Variants in GRHL2 observed in about 807,000 individuals in gnomAD.
GRHL2 encodes grainyhead-like protein 2 homolog.
Under a neutral mutation model 83.8 loss-of-function variants are expected in GRHL2, and 21 were observed. That is an observed-to-expected ratio of 0.25 (90% CI 0.18 to 0.36). The LOEUF (loss-of-function observed/expected upper bound fraction) is 0.36, where lower values mean the gene tolerates loss of function less well. GRHL2 is among the 10% of genes least tolerant of loss of function. The pLI is 1.00. For synonymous variants in GRHL2, 280 were observed against 278.9 expected, an observed-to-expected ratio of 1.00 and a Z score of -0.04; for missense variants, 623 against 781.8, an observed-to-expected ratio of 0.80 and a Z score of 2.42.
In GRHL2 at chr8:101,619,194, A is replaced by G. The variant is rs548225475; in HGVS notation, c.1099-345A>G. On this transcript the variant is annotated intron_variant, in intron 8 of 15. Coordinates refer to ENST00000646743, the MANE Select transcript of GRHL2 (RefSeq NM_024915.4). ...CGTGAACCTGGGAGGGGGAGGTTGC[A>G]GTGAGCTGAGATCACGCCACTGCAC... 3.3e-5 allele frequency among the ~76,000 whole-genome samples: 5 copies of G among 152,254 alleles called. No individual in the cohort carries two copies. The East Asian group carries it at 7.7e-4, about 24-fold the overall frequency.
intron 2 of GRHL2, among the ~76,000 whole-genome samples, chr8:101,547,904 C>G (rs1052959949): frequency 6.6e-6 from 1 of 152,206 alleles, no homozygotes; most frequent in African/African-American, 2.4e-5. Flanking sequence ...AGTTGTGCGA[C>G]CTTTCCATGA....
chr8:101,650,354 T>G (rs1051514071), intron 14 of GRHL2, among the ~76,000 whole-genome samples: 1 of 152,252 alleles, frequency 6.6e-6, no homozygotes, highest in African/African-American at 2.4e-5. Context: ...GACTTCACTC[T>G]TTTTATGATT....
chr8:101,664,196 G>C (rs1813990820), intron 14 of GRHL2, among the ~76,000 whole-genome samples: 1 of 152,176 alleles, frequency 6.6e-6, no homozygotes, highest in Non-Finnish European at 1.5e-5. Flanking sequence ...CATAGTTACA[G>C]TCCATCTTTT....
At chr8:101,535,960 T>C (rs1811037756) in intron 1 of GRHL2, among the ~76,000 whole-genome samples, 1 of 152,078 alleles carries the variant, frequency 6.6e-6, no homozygotes, top group Non-Finnish European at 1.5e-5. Context: ...CCCTGAAAGA[T>C]TAAAATAGGG....
the GRHL2 span, among the ~76,000 whole-genome samples, chr8:101,678,037 A>T: frequency 6.6e-6 from 1 of 152,166 alleles, no homozygotes; most frequent in Non-Finnish European, 1.5e-5. Flanking sequence ...AAATTTCAGT[A>T]AAGTGTTCAG....
rs564090409 is a variant in GRHL2 at position 101,614,258 on chromosome 8, G to C, written c.1099-5281G>C. ...TTTTGTAAAAAAATGCCAATGTTAT[G>C]AGACTGCTTCTATTTCTGGGAAAGA... is the stretch of plus-strand genomic sequence containing the variant. On this transcript the variant is annotated intron_variant, in intron 8 of 15. Transcript: ENST00000646743. Among the ~76,000 whole-genome samples, 16 of 151,130 alleles carry C rather than the reference G, an allele frequency of 1.1e-4. 2 individuals are homozygous for C. Among genetic ancestry groups the C allele is most frequent in the African/African-American group, 3.9e-4 (16 of 40,538 alleles).
intron 8 of GRHL2, among the ~76,000 whole-genome samples, chr8:101,607,313 T>C (rs892453531): frequency 6.6e-6 from 1 of 152,222 alleles, no homozygotes; most frequent in Non-Finnish European, 1.5e-5. Context: ...GAAGGGAAGA[T>C]GTGTAAACAC....
intron 4 of GRHL2, among the ~76,000 whole-genome samples, chr8:101,562,920 A>G (rs759938678): frequency 3.9e-5 from 6 of 152,232 alleles, no homozygotes; most frequent in Non-Finnish European, 7.3e-5. Flanking sequence ...TGGCAGCATG[A>G]TAATATCTTT....
chr8:101,679,185 TAGA>T, the GRHL2 span, among the ~76,000 whole-genome samples: 3 of 134,908 alleles, frequency 2.2e-5, no homozygotes, highest in Admixed American at 7.6e-5. Context: ...GAAAAAAATT[TAGA>T]AGAATGTATA....
intron 1 of GRHL2, among the ~76,000 whole-genome samples, chr8:101,527,655 C>G (rs1468493312): frequency 3.9e-5 from 6 of 152,302 alleles, no homozygotes; most frequent in Admixed American, 3.9e-4. Flanking sequence ...ATTTGATATT[C>G]TCTGATGGCT....
At chr8:101,547,780 A>G (rs927402473) in intron 2 of GRHL2, among the ~76,000 whole-genome samples, 1 of 152,196 alleles carries the variant, frequency 6.6e-6, no homozygotes, top group South Asian at 2.1e-4. Flanking sequence ...GCTTACTCAT[A>G]AAGTGGTGTT....
At chr8:101,544,921 C>T (rs1285532823) in intron 2 of GRHL2, among the ~76,000 whole-genome samples, 1 of 152,176 alleles carries the variant, frequency 6.6e-6, no homozygotes, top group African/African-American at 2.4e-5. Flanking sequence ...TCTCCCACCA[C>T]CACCTCTGGC....
At chr8:101,624,338 A>C (rs1416209645) in intron 9 of GRHL2, among the ~76,000 whole-genome samples, 2 of 151,098 alleles carry the variant, frequency 1.3e-5, no homozygotes, top group East Asian at 4.0e-4. Flanking sequence ...CTGGTAGGAC[A>C]GTAGGACAGT....
intron 8 of GRHL2, among the ~76,000 whole-genome samples, chr8:101,600,843 C>T (rs999952630): frequency 2.0e-5 from 3 of 152,120 alleles, no homozygotes; most frequent in East Asian, 3.9e-4. Flanking sequence ...AAAATGGGAT[C>T]GTGTAACTGG....
chr8:101,584,470 T>C (rs917270441), intron 7 of GRHL2, among the ~76,000 whole-genome samples: 1 of 152,198 alleles, frequency 6.6e-6, no homozygotes, highest in African/African-American at 2.4e-5. Flanking sequence ...TCACAGACTT[T>C]AGTTGACCTC....
rs1396087412 is a variant in GRHL2, at chr8:101,667,584, G to C, written c.*881G>C. On this transcript the variant is annotated 3_prime_UTR_variant, in exon 16 of 16. Coordinates refer to ENST00000646743, the MANE Select transcript of GRHL2 (RefSeq NM_024915.4). ...GGCTCGTTCCCTGTCCCCAGAGGAAGCCCCCTCTCCTTCTCCATGGGCATG... is the reference window on the plus strand; with the variant it reads ...GGCTCGTTCCCTGTCCCCAGAGGAACCCCCCTCTCCTTCTCCATGGGCATG... 1.3e-5 allele frequency: 2 copies of C among 152,450 alleles called. No individual in the cohort carries two copies. Among genetic ancestry groups the C allele is most frequent in the African/African-American group, 4.8e-5 (2 of 41,448 alleles). 9.4% of individuals were successfully genotyped at this position (152,450 alleles called of 1,614,324 possible).
chr8:101,533,967 G>A (rs1810990117), intron 1 of GRHL2, among the ~76,000 whole-genome samples: 1 of 152,134 alleles, frequency 6.6e-6, no homozygotes, highest in Non-Finnish European at 1.5e-5. Context: ...TAAAGGAAAA[G>A]GGGAGTCATT....
chr8:101,626,754 A>G (rs576981448), intron 9 of GRHL2, among the ~76,000 whole-genome samples: 1 of 152,214 alleles, frequency 6.6e-6, no homozygotes, highest in South Asian at 2.1e-4. Context: ...CTCCTCTGGA[A>G]GAACTAGACT....
chr8:101,675,746 T>A, the GRHL2 span, among the ~76,000 whole-genome samples: 3 of 152,036 alleles, frequency 2.0e-5, no homozygotes, highest in Admixed American at 6.6e-5. Context: ...GAGCCCGCAT[T>A]GCCAAGTCAA....
Sources: gnomAD v4.1 joint callset for allele counts (sites outside exome capture counted in the v4.1 genomes callset) on GRCh38, gnomAD v4.1.1 for gene constraint, MANE v1.5 for transcripts, NCBI Gene and HGNC (gene_info 2026-07-23, HGNC 2026-07-21) for gene names.